The following CHD5 variants were observed in gnomAD, a reference collection of about 807,000 sequenced individuals.
CHD5 encodes the protein ATP-dependent chromatin remodeler CHD5.
CHD5 carries 69 observed loss-of-function variants against 230.3 expected under a neutral mutation model. The observed-to-expected ratio is 0.30, with a 90% CI of 0.25 to 0.37. The LOEUF (loss-of-function observed/expected upper bound fraction) is 0.37, where lower values mean the gene tolerates loss of function less well. CHD5 is among the 10% of genes least tolerant of loss of function. CHD5 has a pLI of 1.00. For synonymous variants in CHD5, 1,064 were observed against 1,065.9 expected (o/e 1.00, Z 0.03); for missense variants, 1,827 against 2,622.8 (o/e 0.70, Z 6.63).
At chr1:6,148,254 T>C (rs2100862449) in intron 9 of CHD5, among the ~76,000 whole-genome samples, 1 of 152,056 alleles carries the variant, frequency 6.6e-6, no homozygotes, top group Non-Finnish European at 1.5e-5. Context: ...ATGTCTACTG[T>C]GACTGGGGGG....
Position 6,125,559 on chromosome 1 carries a change from G to A in CHD5, c.4225C>T (p.Pro1409Ser), listed in dbSNP as rs1250734951. 1.9e-6 allele frequency: 3 copies of A among 1,600,720 alleles called. No individual in the cohort carries two copies. The highest frequency in any genetic ancestry group is 1.3e-5 in the African/African-American group (1 of 74,572). The change falls in exon 28 of 42, where the codon CCC becomes TCC. Residue 1409 changes from proline (P) to serine (S), a missense_variant. Physicochemically the swap from Pro to Ser is moderately conservative, Grantham distance 74. Transcript: ENST00000262450. This position sits in a 1 kb window ranked among gnomAD's most constrained non-coding sequence, Gnocchi z 6.7. ...QLKSDRDKPL[P>S]PLLARVGGNI... ...CCACCAACTCGGGCGAGAAGCGGGG[G>A]CAGGGGCTTGTCCCTGTCACTCTTC...
chr1:6,151,645 G>T (rs1457551414), intron 6 of CHD5, among the ~76,000 whole-genome samples: 2 of 152,236 alleles, frequency 1.3e-5, no homozygotes, highest in South Asian at 4.1e-4. Context: ...TGAGCAGCGG[G>T]CCTGGTACAC....
rs769168376 is a variant in CHD5, at chr1:6,109,796, C to T, written c.5577G>A (p.Lys1859=). The T allele has an allele frequency of 1.9e-6, 3 of 1,611,872 alleles. No homozygotes were observed. In the South Asian group the frequency reaches 3.3e-5, roughly 18 times the overall value. Residue 1859 remains lysine, a splice_region_variant and synonymous_variant, in exon 38 of 42, where the codon AAG becomes AAA. Coordinates refer to ENST00000262450, the MANE Select transcript of CHD5 (RefSeq NM_015557.3). ...GNKPANAVLH[K]VLNQLEELLS... is the part of the protein sequence containing the mutation. ...CCGTGGGGGGCAGGACTTGCTCACC[C>T]TTGTGCAGGACGGCATTGGCAGGCT... is the stretch of plus-strand genomic sequence containing the variant.
chr1:6,168,131 C>T lies in CHD5; in HGVS notation c.207+19G>A, dbSNP rs745794699. The stretch of plus-strand genomic sequence containing the variant: ...ACCCCACCCGCCCCAAGCTCGCCGG[C>T]GCAGGTGCTGCCCCTCACCTCTTTC... On this transcript the variant is annotated intron_variant, in intron 2 of 41. Transcript: ENST00000262450. 5.7e-6 allele frequency: 9 copies of T among 1,587,990 alleles called. No homozygotes were observed. Among genetic ancestry groups the T allele is most frequent in the South Asian group, 1.1e-5 (1 of 89,246 alleles).
At position 6,124,550 on chromosome 1, in the gene CHD5, G is replaced by T; in HGVS notation, c.4506C>A (p.Thr1502=). Reference sequence around the variant, plus strand: ...TAACTAGTGACATGACCCCGATGCGGGTCAGCACGTGCTGCCTGGAGAGGC... The same window carrying T: ...TAACTAGTGACATGACCCCGATGCGTGTCAGCACGTGCTGCCTGGAGAGGC... ...REGLSRQHVL[T]RIGVMSLVRK... Residue 1502 remains threonine, a synonymous_variant, in exon 30 of 42, where the codon ACC becomes ACA. Coordinates refer to ENST00000262450, the MANE Select transcript of CHD5 (RefSeq NM_015557.3). 4.3e-6 allele frequency: 7 copies of T among 1,613,956 alleles called. No individual in the cohort carries two copies. Among genetic ancestry groups the T allele is most frequent in the Non-Finnish European group, 5.9e-6 (7 of 1,179,960 alleles).
chr1:6,123,469 C>G (rs1666503394), intron 31 of CHD5, among the ~76,000 whole-genome samples: 1 of 152,042 alleles, frequency 6.6e-6, no homozygotes, highest in East Asian at 1.9e-4. Flanking sequence ...TTTGTCCCCC[C>G]AGGCTGGAGT....
rs61749270 is a variant in CHD5 at position 6,125,548 on chromosome 1, G to A, written c.4236C>T (p.Leu1412=). Residue 1412 remains leucine (L), a synonymous_variant, in exon 28 of 42, where the codon CTC becomes CTT. Coordinates refer to ENST00000262450, the MANE Select transcript of CHD5 (RefSeq NM_015557.3). The surrounding 1 kb of genome is among the most constrained non-coding windows in gnomAD (Gnocchi z 6.7). The part of the protein sequence containing the change: ...SDRDKPLPPL[L]ARVGGNIEVL... ...CCTCGATGTTGCCACCAACTCGGGC[G>A]AGAAGCGGGGGCAGGGGCTTGTCCC... The A allele has an allele frequency of 0.026, 42,307 of 1,597,440 alleles. 678 individuals are homozygous for A. The highest frequency in any genetic ancestry group is 0.03 in the Non-Finnish European group (34,985 of 1,171,098).
Position 6,125,537 on chromosome 1 carries a change from C to G in CHD5, c.4247G>C (p.Gly1416Ala), listed in dbSNP as rs1234081934. 1.3e-6 allele frequency: 2 copies of G among 1,590,178 alleles called. No individual in the cohort carries two copies. Among genetic ancestry groups the G allele is most frequent in the Non-Finnish European group, 1.7e-6 (2 of 1,167,126 alleles). ...KPLPPLLARVGGNIEVLGFNA... is the reference protein window; with the variant it reads ...KPLPPLLARVAGNIEVLGFNA... The stretch of plus-strand genomic sequence containing the variant: ...GACAGGCCCCACCTCGATGTTGCCA[C>G]CAACTCGGGCGAGAAGCGGGGGCAG... The change falls in exon 28 of 42, where the codon GGT becomes GCT. Residue 1416 changes from glycine to alanine, a missense_variant. By Grantham distance (60) the Gly-to-Ala change is moderately conservative. Coordinates refer to ENST00000262450, the MANE Select transcript of CHD5 (RefSeq NM_015557.3). This position sits in a 1 kb window ranked among gnomAD's most constrained non-coding sequence, Gnocchi z 6.7.
intron 6 of CHD5, 67 bp downstream of exon 6, chr1:6,152,345 T>TG: frequency 6.4e-7 from 1 of 1,552,812 alleles, no homozygotes; most frequent in Non-Finnish European, 8.7e-7. Context: ...GCCTGGCCCT[T>TG]GCGTGCTCAT....
chr1:6,129,392 C>T lies in CHD5; in HGVS notation c.3388-323G>A, dbSNP rs960472603. Among the ~76,000 whole-genome samples, 14 of 152,148 alleles carry T rather than the reference C, an allele frequency of 9.2e-5. No individual in the cohort carries two copies. Among genetic ancestry groups the T allele is most frequent in the Admixed American group, 7.9e-4 (12 of 15,282 alleles). On this transcript the variant is annotated intron_variant, in intron 22 of 41. Transcript: ENST00000262450. The surrounding 1 kb of genome is among the most constrained non-coding windows in gnomAD (Gnocchi z 6.8). ...GTGTAACTGAAGCCACACAGAGCTT[C>T]GTGGGGGCCACGGGGAGGTAGGAGG...
intron 2 of CHD5, among the ~76,000 whole-genome samples, chr1:6,160,253 G>A (rs138969828): frequency 2.1e-4 from 6 of 28,564 alleles, no homozygotes; most frequent in Admixed American, 9.1e-4. Flanking sequence ...GCCAGAGAAG[G>A]AGAGCCCCAG....
At chr1:6,112,045 A>C in intron 35 of CHD5, 95 bp downstream of exon 35, 7 of 1,462,480 alleles carry the variant, frequency 4.8e-6, no homozygotes, top group Non-Finnish European at 6.6e-6. Flanking sequence ...TCCATCAACC[A>C]GTCACACTCT....
chr1:6,150,561 T>A (rs1557554954), intron 7 of CHD5, among the ~76,000 whole-genome samples: 1 of 150,114 alleles, frequency 6.7e-6, no homozygotes, highest in Non-Finnish European at 1.5e-5. Flanking sequence ...GACAAATGGA[T>A]TGATGATGGA....
intron 1 of CHD5, among the ~76,000 whole-genome samples, chr1:6,172,729 C>G (rs1225897659): frequency 6.6e-6 from 1 of 152,128 alleles, no homozygotes; most frequent in Non-Finnish European, 1.5e-5. Flanking sequence ...TCAGGCTGGT[C>G]TGTGGTCTGG....
Position 6,128,295 on chromosome 1 carries a change from A to G in CHD5, c.3731-77T>C, listed in dbSNP as rs570733199. The G allele has an allele frequency of 1.0e-4, 150 of 1,443,188 alleles. 1 individual carries two copies. The African/African-American group carries it at 1.7e-3, about 16-fold the overall frequency. The allele number at this position is 1,443,188 out of a possible 1,614,324, so 89.4% of individuals were successfully genotyped here. A position where few individuals can be genotyped will look rare whatever the true frequency, so the allele number is the denominator to read the frequency against. The stretch of plus-strand genomic sequence containing the variant: ...CCGGGGTCCCAGGAACAGACTCCCA[A>G]CAATGGCCCTTCCCATCCCCAGCAG... On this transcript the variant is annotated intron_variant, in intron 24 of 41. Transcript: ENST00000262450. The surrounding 1 kb of genome is among the most constrained non-coding windows in gnomAD (Gnocchi z 7.8).
At chr1:6,118,092 G>GTACTT (rs1666404849) in intron 33 of CHD5, among the ~76,000 whole-genome samples, 2 of 152,100 alleles carry the variant, frequency 1.3e-5, no homozygotes, top group Admixed American at 1.3e-4. Context: ...TATTATTTGG[G>GTACTT]CATAAAAAGA....
chr1:6,157,190 C>A (rs1015257783), intron 3 of CHD5, among the ~76,000 whole-genome samples: 11 of 152,208 alleles, frequency 7.2e-5, no homozygotes, highest in African/African-American at 2.7e-4. Context: ...TCAGTACACA[C>A]CACTCCTAGG....
chr1:6,178,242 G>T (rs946118744), intron 1 of CHD5, among the ~76,000 whole-genome samples: 2 of 152,096 alleles, frequency 1.3e-5, no homozygotes, highest in African/African-American at 4.8e-5. Flanking sequence ...CGCCTCTCTG[G>T]CCCAAGCAGT....
At position 6,128,132 on chromosome 1, in the gene CHD5, T is replaced by A. The variant is rs1470474576; in HGVS notation, c.3817A>T (p.Thr1273Ser). ...ATGTTCTGTAGCTCCGTGTCATCTG[T>A]AGCGTCCTGGTTCCGGTCCAGCAGC... is the stretch of plus-strand genomic sequence containing the variant. Reference protein sequence around the residue: ...SKLLDRNQDATDDTELQNMNE... With the variant: ...SKLLDRNQDASDDTELQNMNE... The change falls in exon 25 of 42, where the codon ACA (threonine) becomes TCA (serine). Residue 1273 changes from threonine to serine, a missense_variant. Around this residue, in one of 14 missense-constraint regions of CHD5, gnomAD observed 137 missense variants for 272.7 expected, o/e 0.50. Coordinates refer to ENST00000262450, the MANE Select transcript of CHD5 (RefSeq NM_015557.3). This position sits in a 1 kb window ranked among gnomAD's most constrained non-coding sequence, Gnocchi z 7.8. 6.2e-7 allele frequency: 1 copy of A among 1,614,014 alleles called. No homozygotes were observed. The highest frequency in any genetic ancestry group is 8.5e-7 in the Non-Finnish European group (1 of 1,180,000).
Sources: allele counts gnomAD v4.1 joint callset (sites outside exome capture counted in the v4.1 genomes callset), GRCh38; gene constraint gnomAD v4.1.1; regional missense constraint gnomAD v4.1.1; non-coding constraint Gnocchi (gnomAD v3.1); transcripts MANE v1.5; gene names NCBI Gene and HGNC (gene_info 2026-07-23, HGNC 2026-07-21).